TTC23: variants seen among roughly 807,000 people sequenced by gnomAD.
The protein encoded by TTC23 is tetratricopeptide repeat protein 23.
Under a neutral mutation model 55.1 loss-of-function variants are expected in TTC23, and 58 were observed. The ratio of observed to expected loss-of-function variants is 1.05; its 90% CI spans 0.85 to 1.31. The LOEUF (loss-of-function observed/expected upper bound fraction) is 1.31. TTC23 is among the 50% of genes most tolerant of loss of function. TTC23 has a pLI of 0.00. For missense variants in TTC23, 516 were observed against 534.4 expected, an observed-to-expected ratio of 0.97 and a Z score of 0.34; for synonymous variants, 203 against 199.9, an observed-to-expected ratio of 1.02 and a Z score of -0.13.
chr15:99,138,309 TATTTTTTTA>T (rs1167833759), intron 13 of TTC23, among the ~76,000 whole-genome samples, 182 bp from the exon 14 acceptor site: 1 of 152,096 alleles, frequency 6.6e-6, no homozygotes, highest in African/African-American at 2.4e-5. Flanking sequence ...TCCCATCTTT[TATTTTTTTA>T]ATTTTTTTTT....
rs752697852 is a variant in TTC23, at chr15:99,171,326, C to T, written c.865+3724G>A. The stretch of plus-strand genomic sequence containing the variant: ...ACTTGGTCCTTTTGGGGTAGAACAA[C>T]GAGTAGAGACAGTAGGTCCTTCAGA... On this transcript the variant is annotated intron_variant, in intron 10 of 13. Coordinates refer to ENST00000394132, the MANE Select transcript of TTC23 (RefSeq NM_001288615.3). Among the ~76,000 whole-genome samples, 11 of 152,046 alleles carry T rather than the reference C, an allele frequency of 7.2e-5. No individual in the cohort carries two copies. The East Asian group carries it at 9.6e-4, about 13-fold the overall frequency.
chr15:99,215,000 T>C (rs1395670940), intron 8 of TTC23, among the ~76,000 whole-genome samples: 1 of 151,482 alleles, frequency 6.6e-6, no homozygotes, highest in East Asian at 2.0e-4. Flanking sequence ...GGATTACAGG[T>C]GCCCACCATC....
In TTC23 at chr15:99,221,746, A is replaced by G. The variant is rs763423753; in HGVS notation, c.299T>C (p.Leu100Pro). 34 of 1,613,932 alleles carry G rather than the reference A, an allele frequency of 2.1e-5. No individual in the cohort carries two copies. The highest frequency in any genetic ancestry group is 2.6e-5 in the Non-Finnish European group (31 of 1,179,926). The change falls in exon 6 of 14, where the codon CTG becomes CCG. Residue 100 changes from leucine to proline, a missense_variant. Transcript: ENST00000394132. ...TCAGTCTAAGGCGAGCTTACCTTTCAGCTGGAGGTAGCCTTGAGCCAGATT... is the reference window on the plus strand; with the variant it reads ...TCAGTCTAAGGCGAGCTTACCTTTCGGCTGGAGGTAGCCTTGAGCCAGATT... Reference protein sequence around the residue: ...HVNLAQGYLQLKGLSLQAKQH... With the variant: ...HVNLAQGYLQPKGLSLQAKQH...
At chr15:99,223,321 A>G (rs2078108354) in intron 5 of TTC23, among the ~76,000 whole-genome samples, 2 of 152,216 alleles carry the variant, frequency 1.3e-5, no homozygotes, top group African/African-American at 4.8e-5. Context: ...TGAGGTCTTT[A>G]AAGAGGTGAT....
intron 8 of TTC23, among the ~76,000 whole-genome samples, chr15:99,214,622 T>A (rs2077312835): frequency 6.7e-6 from 1 of 149,794 alleles, no homozygotes; most frequent in Admixed American, 6.7e-5. Context: ...GAGATGGGGG[T>A]CTCCCCATCT....
Position 99,249,512 on chromosome 15 carries a change from A to C in TTC23, c.-772T>G, listed in dbSNP as rs1330132859. On this transcript the variant is annotated 5_prime_UTR_variant, in exon 1 of 14. Coordinates refer to ENST00000394132, the MANE Select transcript of TTC23 (RefSeq NM_001288615.3). ...GTTTGGTGATTCTTTGTACAGATTG[A>C]TAACCATGAAAAAGTCTAAAGTAGG... 1 of 152,162 alleles carries C rather than the reference A, an allele frequency of 6.6e-6. No individual in the cohort carries two copies. Among genetic ancestry groups the C allele is most frequent in the East Asian group, 1.9e-4 (1 of 5,206 alleles). The allele number at this position is 152,162 out of a possible 1,614,324, so 9.4% of individuals were successfully genotyped here.
At chr15:99,229,616 C>G (rs575519147) in intron 4 of TTC23, among the ~76,000 whole-genome samples, 2 of 152,228 alleles carry the variant, frequency 1.3e-5, no homozygotes, top group Non-Finnish European at 2.9e-5. Context: ...ACAGAGGAAC[C>G]AAGATATTAG....
chr15:99,138,078 C>T lies in TTC23; in HGVS notation c.1276G>A (p.Ala426Thr). 1 of 1,613,658 alleles carries T rather than the reference C, an allele frequency of 6.2e-7. No individual in the cohort carries two copies. Among genetic ancestry groups the T allele is most frequent in the Non-Finnish European group, 8.5e-7 (1 of 1,179,996 alleles). The change falls in exon 14 of 14, where the codon GCC (alanine) becomes ACC (threonine). Residue 426 changes from alanine (A) to threonine (T), a missense_variant. Ala to Thr is a moderately conservative substitution (Grantham distance 58, BLOSUM62 0). Coordinates refer to ENST00000394132, the MANE Select transcript of TTC23 (RefSeq NM_001288615.3). Reference sequence around the variant, plus strand: ...TCCTGAGGGATGCTGGTGCAGAAGGCCACTTTGGCTTTTGATGCCTGCCTT... The same window carrying T: ...TCCTGAGGGATGCTGGTGCAGAAGGTCACTTTGGCTTTTGATGCCTGCCTT... The part of the protein sequence containing the change: ...KPRQASKAKV[A>T]FCTSIPQDTL...
chr15:99,144,559 T>C (rs1448191784), intron 12 of TTC23: 1 of 152,176 alleles, frequency 6.6e-6, no homozygotes, highest in Non-Finnish European at 1.5e-5. Context: ...ATTGAGGAAT[T>C]TCAGATGATG....
At chr15:99,221,306 G>C (rs919442512) in intron 6 of TTC23, among the ~76,000 whole-genome samples, 2 of 152,164 alleles carry the variant, frequency 1.3e-5, no homozygotes, top group South Asian at 4.1e-4. Context: ...TTTTTAAGTT[G>C]TATGAGCCAA....
intron 8 of TTC23, among the ~76,000 whole-genome samples, chr15:99,210,014 C>T (rs1414767800): frequency 6.6e-6 from 1 of 152,042 alleles, no homozygotes; most frequent in African/African-American, 2.4e-5. Flanking sequence ...CTTCGGCCTC[C>T]CAAAGTTCTG....
chr15:99,228,434 G>T (rs2078647168), intron 5 of TTC23, 99 bp downstream of exon 5: 2 of 1,096,206 alleles, frequency 1.8e-6, no homozygotes, highest in Non-Finnish European at 2.5e-6. Flanking sequence ...GTATCAAACT[G>T]CTGAGATTAG....
At chr15:99,200,947 T>C (rs1036529365) in intron 8 of TTC23, among the ~76,000 whole-genome samples, 1 of 152,220 alleles carries the variant, frequency 6.6e-6, no homozygotes, top group African/African-American at 2.4e-5. Flanking sequence ...CCATTCTATA[T>C]ACTTCAGTGA....
In TTC23 at chr15:99,137,824, G is replaced by A. The variant is rs782181307; in HGVS notation, c.*186C>T. ...CTTTATAGCATATATCACCCTGAAG[G>A]GCATCCACTGTCAAAATGTGGCCCA... On this transcript the variant is annotated 3_prime_UTR_variant, in exon 14 of 14. Transcript: ENST00000394132. The A allele has an allele frequency of 1.2e-5, 11 of 883,702 alleles. No individual in the cohort carries two copies. The highest frequency in any genetic ancestry group is 1.8e-5 in the Non-Finnish European group (11 of 594,626). The allele number at this position is 883,702 out of a possible 1,614,324, so 54.7% of individuals were successfully genotyped here.
intron 12 of TTC23, 86 bp from the exon 13 acceptor site, chr15:99,139,485 T>G: frequency 6.3e-7 from 1 of 1,587,714 alleles, no homozygotes; most frequent in African/African-American, 1.3e-5. Flanking sequence ...GAGAGAAAGA[T>G]GACCTCATTC....
At chr15:99,182,732 G>A (rs2151948269) in intron 9 of TTC23, among the ~76,000 whole-genome samples, 1 of 152,008 alleles carries the variant, frequency 6.6e-6, no homozygotes, top group African/African-American at 2.4e-5. Context: ...AAGGAGGTCT[G>A]AGGTGACTGG....
intron 2 of TTC23, among the ~76,000 whole-genome samples, chr15:99,244,588 G>C (rs930240177): frequency 6.6e-6 from 1 of 152,004 alleles, no homozygotes; most frequent in Non-Finnish European, 1.5e-5. Flanking sequence ...TTTAACAAAA[G>C]AAATACAAGA....
chr15:99,209,624 A>G (rs2076881758), intron 8 of TTC23, among the ~76,000 whole-genome samples: 1 of 152,220 alleles, frequency 6.6e-6, no homozygotes. Context: ...AACAGTATCC[A>G]CTACACAGAG....
At position 99,228,532 on chromosome 15, in the gene TTC23, C is replaced by T. The variant is rs756881364; in HGVS notation, c.180+1G>A. 2.3e-5 allele frequency: 37 copies of T among 1,608,148 alleles called. No homozygotes were observed. Among genetic ancestry groups the T allele is most frequent in the Non-Finnish European group, 3.1e-5 (37 of 1,176,722 alleles). On this transcript the variant is annotated splice_donor_variant, in intron 5 of 13. Transcript: ENST00000394132. LOFTEE classifies it high-confidence loss of function. ...AAATACAGAAACAAAAGTCTCCTTA[C>T]CTCATGACTGTTGGAATAGGACTTT...
Sources: allele counts gnomAD v4.1 joint callset (sites outside exome capture counted in the v4.1 genomes callset), GRCh38; gene constraint gnomAD v4.1.1; transcripts MANE v1.5; gene names NCBI Gene and HGNC (gene_info 2026-07-23, HGNC 2026-07-21).